Variants in RARA observed in about 807,000 individuals in gnomAD.
The protein encoded by RARA is retinoic acid receptor alpha.
Under a neutral mutation model 42.8 loss-of-function variants are expected in RARA, and 5 were observed. That is an observed-to-expected ratio of 0.12 (90% CI 0.06 to 0.25). RARA has a LOEUF of 0.25. RARA is among the 10% of genes least tolerant of loss of function. The pLI is 1.00. For missense variants in RARA, 402 were observed against 628.7 expected, an observed-to-expected ratio of 0.64 and a Z score of 3.86; for synonymous variants, 256 against 259.5, an observed-to-expected ratio of 0.99 and a Z score of 0.13.
chr17:40,357,258 C>A lies in RARA; in HGVS notation c.*1032C>A, dbSNP rs1177473615. 3 of 236,594 alleles carry A rather than the reference C, an allele frequency of 1.3e-5. No individual in the cohort carries two copies. The highest frequency in any genetic ancestry group is 2.5e-5 in the Non-Finnish European group (3 of 120,208). 14.7% of individuals were successfully genotyped at this position (236,594 alleles called of 1,614,324 possible). On this transcript the variant is annotated 3_prime_UTR_variant, in exon 9 of 9. Transcript: ENST00000254066. The stretch of plus-strand genomic sequence containing the variant: ...CCACTGTGAAGGGGCTGGCCAGGGG[C>A]CCGAGCTGCCCCCACCCCCGGCCTC...
intron 2 of RARA, among the ~76,000 whole-genome samples, chr17:40,333,879 C>T (rs1415161065): frequency 6.6e-6 from 1 of 152,162 alleles, no homozygotes; most frequent in Non-Finnish European, 1.5e-5. Context: ...TCAAGCAGTC[C>T]TCCTATCTTG....
intron 1 of RARA, chr17:40,322,935 T>C (rs1028483179): frequency 1.3e-5 from 2 of 151,958 alleles, no homozygotes; most frequent in African/African-American, 2.4e-5. Context: ...AGAAAAAAAA[T>C]GTCTTCCTGT....
At chr17:40,329,785 T>C (rs1567750585) in intron 1 of RARA, among the ~76,000 whole-genome samples, 1 of 152,238 alleles carries the variant, frequency 6.6e-6, no homozygotes. Flanking sequence ...ATGTTTCTTT[T>C]TGTCTGTCTC....
chr17:40,323,946 T>C (rs2033466363), intron 1 of RARA, among the ~76,000 whole-genome samples: 1 of 151,846 alleles, frequency 6.6e-6, no homozygotes, highest in African/African-American at 2.4e-5. Flanking sequence ...ACTCAGAATA[T>C]GGCATACGCA....
At chr17:40,324,266 C>G (rs1265847897) in intron 1 of RARA, among the ~76,000 whole-genome samples, 5 of 152,108 alleles carry the variant, frequency 3.3e-5, no homozygotes, top group Admixed American at 3.3e-4. Context: ...CTGGCTGTGG[C>G]CTCAGTAGGC....
At chr17:40,342,625 C>T (rs2034107243) in intron 2 of RARA, 2 of 1,539,264 alleles carry the variant, frequency 1.3e-6, no homozygotes, top group African/African-American at 2.7e-5. Context: ...AGCTGCTCTG[C>T]TCGGATGGCG....
Position 40,352,235 on chromosome 17 carries a change from G to A in RARA, c.631-96G>A. 3 of 1,505,916 alleles carry A rather than the reference G, an allele frequency of 2.0e-6. No individual in the cohort carries two copies. The highest frequency in any genetic ancestry group is 2.6e-6 in the Non-Finnish European group (3 of 1,132,484). 93.3% of individuals were successfully genotyped at this position (1,505,916 alleles called of 1,614,324 possible). On this transcript the variant is annotated intron_variant, in intron 5 of 8. Transcript: ENST00000254066. The surrounding 1 kb of genome is among the most constrained non-coding windows in gnomAD (Gnocchi z 4.9). ...CCTCTTCCCAAGGAGCTCCCAGGAA[G>A]TGAAGGCTGGGTAGAGGGCAGGCCT... is the stretch of plus-strand genomic sequence containing the variant.
At chr17:40,341,318 G>A (rs1370442462) in intron 2 of RARA, 1 of 1,389,240 alleles carries the variant, frequency 7.2e-7, no homozygotes, top group Non-Finnish European at 9.4e-7. Context: ...TGGGGAGGAG[G>A]GCCCCCTCTG....
chr17:40,335,551 G>A (rs1206377273), intron 2 of RARA, among the ~76,000 whole-genome samples: 2 of 152,080 alleles, frequency 1.3e-5, no homozygotes, highest in African/African-American at 2.4e-5. Context: ...TTAGGCAGGC[G>A]AGGTGGCACG....
rs2143521145 is a variant in RARA, at chr17:40,354,299, C to T, written c.808-3C>T. 1 of 1,613,850 alleles carries T rather than the reference C, an allele frequency of 6.2e-7. No homozygotes were observed. The highest frequency in any genetic ancestry group is 1.1e-5 in the South Asian group (1 of 91,064). On this transcript the variant is annotated splice_region_variant and splice_polypyrimidine_tract_variant and intron_variant, in intron 6 of 8. Coordinates refer to ENST00000254066, the MANE Select transcript of RARA (RefSeq NM_000964.4). The surrounding 1 kb of genome is among the most constrained non-coding windows in gnomAD (Gnocchi z 4.5). ...CCTGAACCCAAGCATCCTCTGCACC[C>T]AGATCCTGCGGATCTGCACGCGGTA...
intron 1 of RARA, among the ~76,000 whole-genome samples, chr17:40,325,231 A>G (rs2143229734): frequency 6.6e-6 from 1 of 151,854 alleles, no homozygotes; most frequent in East Asian, 1.9e-4. Context: ...AGCATGTGTG[A>G]CAGGGTGAGA....
Position 40,320,517 on chromosome 17 carries a change from C to T in RARA, c.-362-10340C>T, listed in dbSNP as rs957059699. On this transcript the variant is annotated intron_variant, in intron 1 of 8. Transcript: ENST00000254066. This position sits in a 1 kb window ranked among gnomAD's most constrained non-coding sequence, Gnocchi z 4.1. ...ATTCACCCAGACCCCAGCTAATGCG[C>T]GCCCCTTCCCCTAAACCATTTAGTC... is the stretch of plus-strand genomic sequence containing the variant. Among the ~76,000 whole-genome samples, 7 of 152,206 alleles carry T rather than the reference C, an allele frequency of 4.6e-5. No homozygotes were observed. The highest frequency in any genetic ancestry group is 4.1e-4 in the South Asian group (2 of 4,832).
intron 1 of RARA, among the ~76,000 whole-genome samples, chr17:40,314,550 G>A (rs367823787): frequency 3.3e-5 from 5 of 151,380 alleles, no homozygotes; most frequent in East Asian, 3.9e-4. Flanking sequence ...GCACTGGAGC[G>A]GGGCCTGGTG....
intron 2 of RARA, among the ~76,000 whole-genome samples, chr17:40,346,887 G>A (rs1402639933): frequency 6.6e-6 from 1 of 152,246 alleles, no homozygotes; most frequent in South Asian, 2.1e-4. Context: ...GGTCAGCCAG[G>A]CTGGCCTGGG....
At chr17:40,318,065 A>G (rs2033252542) in intron 1 of RARA, among the ~76,000 whole-genome samples, 1 of 152,216 alleles carries the variant, frequency 6.6e-6, no homozygotes, top group South Asian at 2.1e-4. Flanking sequence ...CCCACGGTCC[A>G]GTCTTCAACT....
At position 40,354,274 on chromosome 17, in the gene RARA, C is replaced by T. The variant is rs1341889445; in HGVS notation, c.808-28C>T. 1 of 1,608,424 alleles carries T rather than the reference C, an allele frequency of 6.2e-7. No individual in the cohort carries two copies. The highest frequency in any genetic ancestry group is 1.7e-5 in the Admixed American group (1 of 59,892). On this transcript the variant is annotated intron_variant, in intron 6 of 8. Transcript: ENST00000254066. The surrounding 1 kb of genome is among the most constrained non-coding windows in gnomAD (Gnocchi z 4.5). ...GCTCAGAGTGGGTTCGGGTTCAGTC[C>T]CTGAACCCAAGCATCCTCTGCACCC...
chr17:40,342,592 C>G, intron 2 of RARA: 1 of 1,420,434 alleles, frequency 7.0e-7, no homozygotes, highest in Non-Finnish European at 9.2e-7. Flanking sequence ...CCAGTCGGGG[C>G]GAGGGGACGT....
chr17:40,322,793 A>G (rs1221609025), intron 1 of RARA, among the ~76,000 whole-genome samples: 1 of 152,030 alleles, frequency 6.6e-6, no homozygotes, highest in African/African-American at 2.4e-5. Context: ...CCTGTGACCC[A>G]CTGTGCAGAT....
intron 2 of RARA, among the ~76,000 whole-genome samples, chr17:40,335,267 G>C (rs768139735): frequency 6.6e-6 from 1 of 152,110 alleles, no homozygotes; most frequent in Non-Finnish European, 1.5e-5. Context: ...GTGGTCTTTC[G>C]TTTGGGTTCT....
Sources: allele counts gnomAD v4.1 joint callset (sites outside exome capture counted in the v4.1 genomes callset), GRCh38; gene constraint gnomAD v4.1.1; non-coding constraint Gnocchi (gnomAD v3.1); transcripts MANE v1.5; gene names NCBI Gene and HGNC (gene_info 2026-07-23, HGNC 2026-07-21).